The following NIN variants were observed in gnomAD, a reference collection of about 807,000 sequenced individuals.
NIN encodes ninein, also known as glycogen synthase kinase 3 beta-interacting protein.
NIN carries 137 observed loss-of-function variants against 257.6 expected under a neutral mutation model. The observed-to-expected ratio is 0.53, with a 90% CI of 0.46 to 0.61. The LOEUF is 0.61. Ranked by LOEUF, NIN falls within the 20% of genes least tolerant of loss-of-function variation. The pLI, the probability that NIN is intolerant of heterozygous loss-of-function variation, is 0.00. For missense variants in NIN, 2,439 were observed against 2,501.2 expected, an observed-to-expected ratio of 0.98 and a Z score of 0.53; for synonymous variants, 918 against 919.8, an observed-to-expected ratio of 1.00 and a Z score of 0.04.
chr14:50,813,263 T>C (rs72683644), intron 3 of NIN, among the ~76,000 whole-genome samples: 22,771 of 152,248 alleles, frequency 0.15, 1,903 homozygotes, highest in East Asian at 0.35. Context: ...AAATATACAA[T>C]ACAATTAAGT....
chr14:50,741,812 A>C, intron 24 of NIN, 84 bp from the exon 25 acceptor site: 1 of 1,446,738 alleles, frequency 6.9e-7, no homozygotes, highest in East Asian at 2.3e-5. Context: ...TAAGGACAAA[A>C]GAACTTTCAA....
intron 6 of NIN, 40 bp from the exon 7 acceptor site, chr14:50,777,179 T>G: frequency 6.7e-7 from 1 of 1,486,392 alleles, no homozygotes; most frequent in Non-Finnish European, 9.1e-7. Flanking sequence ...CCAAAGGAAT[T>G]GCAAAGAGAG....
At chr14:50,778,636 A>G (rs1774097700) in intron 6 of NIN, 129 bp downstream of exon 6, 1 of 784,132 alleles carries the variant, frequency 1.3e-6, no homozygotes, top group African/African-American at 1.7e-5. Context: ...TTGGGAATAA[A>G]TTTTTTGTTG....
In NIN at chr14:50,757,280, C is replaced by G; in HGVS notation, c.3750G>C (p.Leu1250=). ...RIPEASPKYK[L]LYEDVSREND... Reference sequence around the variant, plus strand: ...TTTCTCGGCTCACATCTTCATACAACAGCTTATATTTGGGAGAAGCCTCAG... The same window carrying G: ...TTTCTCGGCTCACATCTTCATACAAGAGCTTATATTTGGGAGAAGCCTCAG... The change falls in exon 18 of 31, where the codon CTG becomes CTC. Residue 1250 remains leucine, a synonymous_variant. Coordinates refer to ENST00000530997, the MANE Select transcript of NIN (RefSeq NM_020921.4). 6.2e-7 allele frequency: 1 copy of G among 1,614,188 alleles called. No individual in the cohort carries two copies. The highest frequency in any genetic ancestry group is 8.5e-7 in the Non-Finnish European group (1 of 1,180,040).
At chr14:50,787,222 G>A (rs1185021256) in intron 5 of NIN, among the ~76,000 whole-genome samples, 2 of 152,224 alleles carry the variant, frequency 1.3e-5, no homozygotes, top group Non-Finnish European at 2.9e-5. Flanking sequence ...GAGGAAAACA[G>A]TTAACAAGGT....
chr14:50,813,758 G>A (rs2044750563), intron 3 of NIN, among the ~76,000 whole-genome samples: 1 of 152,172 alleles, frequency 6.6e-6, no homozygotes, highest in African/African-American at 2.4e-5. Flanking sequence ...GACCCAAGGT[G>A]GGAGAACTCA....
intron 4 of NIN, among the ~76,000 whole-genome samples, chr14:50,804,070 T>C (rs2044216321): frequency 6.6e-6 from 1 of 152,022 alleles, no homozygotes; most frequent in African/African-American, 2.4e-5. Flanking sequence ...TAATTTTTTG[T>C]ATTGTTAGTA....
chr14:50,730,858 C>T lies in NIN; in HGVS notation c.5878-1135G>A, dbSNP rs2040656550. On this transcript the variant is annotated intron_variant, in intron 28 of 30. Coordinates refer to ENST00000530997, the MANE Select transcript of NIN (RefSeq NM_020921.4). ...TAACTGTTACAATCAACAGAAATAA[C>T]ATGAGCAAGGGGTTTAATGAGATGG... The T allele has an allele frequency of 8.1e-6, 10 of 1,233,020 alleles. No individual in the cohort carries two copies. In the South Asian group the frequency reaches 1.3e-4, roughly 16 times the overall value. The allele number at this position is 1,233,020 out of a possible 1,614,324, so 76.4% of individuals were successfully genotyped here.
chr14:50,763,769 C>G (rs2042367333), intron 15 of NIN, 57 bp downstream of exon 15: 1 of 1,499,642 alleles, frequency 6.7e-7, no homozygotes, highest in East Asian at 2.3e-5. Flanking sequence ...TATATTGAAC[C>G]ACGTTTCTAA....
chr14:50,794,590 C>T, intron 4 of NIN: 1 of 376,538 alleles, frequency 2.7e-6, no homozygotes, highest in Non-Finnish European at 3.7e-6. Flanking sequence ...ATTTTGGTGG[C>T]AGACAACAAG....
chr14:50,759,655 G>A (rs1174528831), intron 17 of NIN, among the ~76,000 whole-genome samples: 1 of 152,170 alleles, frequency 6.6e-6, no homozygotes, highest in Non-Finnish European at 1.5e-5. Context: ...CACCACGCCC[G>A]GCTAATTTTT....
chr14:50,720,372 G>T lies in NIN; in HGVS notation c.*3091C>A, dbSNP rs368216160. ...TTCTCCTTTCCTTCACTCAGCAAAA[G>T]AAATCACATAAATCACAAAATAAAA... On this transcript the variant is annotated 3_prime_UTR_variant, in exon 31 of 31. Coordinates refer to ENST00000530997, the MANE Select transcript of NIN (RefSeq NM_020921.4). 3.8e-3 allele frequency: 831 copies of T among 216,476 alleles called. 2 individuals carry two copies. Among genetic ancestry groups the T allele is most frequent in the Non-Finnish European group, 5.9e-3 (630 of 107,610 alleles). 13.4% of individuals were successfully genotyped at this position (216,476 alleles called of 1,614,324 possible). A position where few individuals can be genotyped will look rare whatever the true frequency, so the allele number is the denominator to read the frequency against.
At chr14:50,731,678 C>G (rs1479490246) in intron 28 of NIN, among the ~76,000 whole-genome samples, 1 of 151,798 alleles carries the variant, frequency 6.6e-6, no homozygotes, top group African/African-American at 2.4e-5. Flanking sequence ...ACTAAAAATA[C>G]AACCAGGCAT....
At position 50,757,036 on chromosome 14, in the gene NIN, T is replaced by C; in HGVS notation, c.3994A>G (p.Ile1332Val). 1 of 1,613,476 alleles carries C rather than the reference T, an allele frequency of 6.2e-7. No individual in the cohort carries two copies. The highest frequency in any genetic ancestry group is 8.5e-7 in the Non-Finnish European group (1 of 1,179,804). Residue 1332 changes from isoleucine (I) to valine (V), a missense_variant, in exon 18 of 31, where the codon ATT (isoleucine) becomes GTT (valine). Transcript: ENST00000530997. ...ACCACGCTTTCCTGAAGCTTCTCAA[T>C]CTTGCCTTGAAGTCTCAAAACCAGA... is the stretch of plus-strand genomic sequence containing the variant. ...NVLVLRLQGKIEKLQESVVQR... is the reference protein window; with the variant it reads ...NVLVLRLQGKVEKLQESVVQR...
Position 50,821,933 on chromosome 14 carries a change from A to G in NIN, c.124T>C (p.Leu42=), listed in dbSNP as rs758674570. 6.2e-7 allele frequency: 1 copy of G among 1,614,092 alleles called. No homozygotes were observed. Among genetic ancestry groups the G allele is most frequent in the Non-Finnish European group, 8.5e-7 (1 of 1,180,010 alleles). ...TGCAGCACTGGGGCCACCTCCTCCA[A>G]GCTCAACATGTGGCAAAGGTCGGTG... ...ELTDLCHMLS[L]EEVAPVLQQT... is the part of the protein sequence containing the mutation. Residue 42 remains leucine (L), a synonymous_variant, in exon 3 of 31, where the codon TTG becomes CTG. Transcript: ENST00000530997.
intron 2 of NIN, among the ~76,000 whole-genome samples, chr14:50,826,295 G>C (rs2045454320): frequency 6.6e-6 from 1 of 152,194 alleles, no homozygotes; most frequent in Admixed American, 6.5e-5. Context: ...CAAATTGTCA[G>C]AAGGCTTTAT....
chr14:50,748,067 A>G lies in NIN; in HGVS notation c.4989T>C (p.Ser1663=). 1 of 1,614,054 alleles carries G rather than the reference A, an allele frequency of 6.2e-7. No individual in the cohort carries two copies. The highest frequency in any genetic ancestry group is 8.5e-7 in the Non-Finnish European group (1 of 1,179,900). ...TLVSSLEAEL[S]EVKIQTHIVQ... ...CAATATGGGTCTGTATTTTAACTTC[A>G]GAGAGCTCCGCCTCCAGAGAAGACA... The change falls in exon 22 of 31, where the codon TCT becomes TCC. Residue 1663 remains serine (S), a synonymous_variant. Transcript: ENST00000530997.
chr14:50,757,607 C>G lies in NIN; in HGVS notation c.3423G>C (p.Arg1141=). 1.9e-6 allele frequency: 3 copies of G among 1,614,154 alleles called. No individual in the cohort carries two copies. The highest frequency in any genetic ancestry group is 2.5e-6 in the Non-Finnish European group (3 of 1,180,028). ...CATCTTCCAGGTCACTTAGGACATG[C>G]CGCCTGGTCACACCTTCTACTTGCT... The part of the protein sequence containing the change: ...RTKQVEGVTR[R]HVLSDLEDDE... The change falls in exon 18 of 31, where the codon CGG becomes CGC. Residue 1141 remains arginine (R), a synonymous_variant. Transcript: ENST00000530997.
At chr14:50,789,953 G>T (rs2043515394) in intron 5 of NIN, among the ~76,000 whole-genome samples, 1 of 152,244 alleles carries the variant, frequency 6.6e-6, no homozygotes, top group Non-Finnish European at 1.5e-5. Flanking sequence ...GCATACACAG[G>T]TGTGAAGGCA....
Sources: allele counts gnomAD v4.1 joint callset (sites outside exome capture counted in the v4.1 genomes callset), GRCh38; gene constraint gnomAD v4.1.1; transcripts MANE v1.5; gene names NCBI Gene and HGNC (gene_info 2026-07-23, HGNC 2026-07-21).